Variants in SKAP1 observed in about 807,000 individuals in gnomAD.
SKAP1 encodes src kinase-associated phosphoprotein 1.
Under a neutral mutation model 58.5 loss-of-function variants are expected in SKAP1, and 44 were observed. The observed-to-expected ratio is 0.75, with a 90% CI of 0.59 to 0.97. The LOEUF is 0.97. Among genes scored for constraint, SKAP1 ranks in the 50% least tolerant of loss-of-function variants. The pLI, the probability that SKAP1 is intolerant of heterozygous loss-of-function variation, is 0.00. For synonymous variants in SKAP1, 127 were observed against 149.7 expected (o/e 0.85, Z 1.11); for missense variants, 390 against 435.2 (o/e 0.90, Z 0.92).
intron 4 of SKAP1, among the ~76,000 whole-genome samples, chr17:48,224,068 A>AAGGGGG (rs2065038868): frequency 5.2e-5 from 1 of 19,244 alleles, no homozygotes; most frequent in Non-Finnish European, 9.6e-5. Context: ...GGAGGAGGAG[A>AAGGGGG]AGGAGGAGGA....
At chr17:48,348,759 C>T (rs2144339919) in intron 3 of SKAP1, among the ~76,000 whole-genome samples, 1 of 152,314 alleles carries the variant, frequency 6.6e-6, no homozygotes, top group African/African-American at 2.4e-5. Flanking sequence ...CACTTGCTTT[C>T]CTAACTTCAG....
At chr17:48,377,555 G>A (rs986981117) in intron 2 of SKAP1, 1 of 149,364 alleles carries the variant, frequency 6.7e-6, no homozygotes, top group Middle Eastern at 3.2e-3. Context: ...TCCAGCATGG[G>A]TGACAGAGCA....
At chr17:48,253,573 C>T (rs988087772) in intron 4 of SKAP1, among the ~76,000 whole-genome samples, 2 of 152,096 alleles carry the variant, frequency 1.3e-5, no homozygotes, top group Admixed American at 6.6e-5. Context: ...AAATTAGGTA[C>T]GGATTAGGAT....
chr17:48,350,637 G>A (rs1380531736), intron 3 of SKAP1, among the ~76,000 whole-genome samples: 6 of 152,060 alleles, frequency 3.9e-5, no homozygotes, highest in East Asian at 1.9e-4. Flanking sequence ...CAGAGGTTGC[G>A]GTGAGCCGAG....
chr17:48,427,526 A>G (rs2144627909), intron 1 of SKAP1, among the ~76,000 whole-genome samples: 1 of 152,044 alleles, frequency 6.6e-6, no homozygotes, highest in Non-Finnish European at 1.5e-5. Context: ...CTCAAATTTT[A>G]TATTTAAACA....
chr17:48,266,546 T>C lies in SKAP1; in HGVS notation c.281-77046A>G, dbSNP rs373013151. Reference sequence around the variant, plus strand: ...TTTTTTTTGAGACAGAGTCTCACTCTGTCACCCAGGCTGGAGTGCAGTGGC... The same window carrying C: ...TTTTTTTTGAGACAGAGTCTCACTCCGTCACCCAGGCTGGAGTGCAGTGGC... On this transcript the variant is annotated intron_variant, in intron 4 of 12. Transcript: ENST00000336915. 6.7e-5 allele frequency among the ~76,000 whole-genome samples: 10 copies of C among 150,148 alleles called. No individual in the cohort carries two copies. In the South Asian group the frequency reaches 1.1e-3, roughly 16 times the overall value.
intron 4 of SKAP1, among the ~76,000 whole-genome samples, chr17:48,306,043 A>T (rs1356090496): frequency 1.3e-5 from 2 of 152,200 alleles, no homozygotes; most frequent in Non-Finnish European, 2.9e-5. Flanking sequence ...GTTATACATA[A>T]AGCTTCTAGA....
chr17:48,349,979 T>A (rs1193227278), intron 3 of SKAP1, among the ~76,000 whole-genome samples: 1 of 152,180 alleles, frequency 6.6e-6, no homozygotes, highest in Non-Finnish European at 1.5e-5. Context: ...TGCTGCTCCA[T>A]AAACTTTATG....
intron 8 of SKAP1, 125 bp downstream of exon 8, chr17:48,182,269 G>A (rs1234071740): frequency 1.5e-6 from 1 of 674,288 alleles, no homozygotes; most frequent in Non-Finnish European, 2.6e-6. Flanking sequence ...TGGGGAATGT[G>A]GTAGGAAAGG....
chr17:48,202,378 T>C (rs1011438886), intron 4 of SKAP1, among the ~76,000 whole-genome samples: 1 of 152,060 alleles, frequency 6.6e-6, no homozygotes, highest in Non-Finnish European at 1.5e-5. Flanking sequence ...TTTGACCTGG[T>C]ATGTATTATC....
chr17:48,359,450 T>C (rs1372432418), intron 3 of SKAP1, among the ~76,000 whole-genome samples: 1 of 152,208 alleles, frequency 6.6e-6, no homozygotes, highest in African/African-American at 2.4e-5. Context: ...CTCATAGATG[T>C]CATTTTTTAA....
At chr17:48,216,172 T>C (rs539508468) in intron 4 of SKAP1, among the ~76,000 whole-genome samples, 1 of 152,324 alleles carries the variant, frequency 6.6e-6, no homozygotes, top group African/African-American at 2.4e-5. Flanking sequence ...ATGTTGTTCT[T>C]GGCAGTATGA....
intron 2 of SKAP1, among the ~76,000 whole-genome samples, chr17:48,368,834 T>G (rs2067044916): frequency 6.6e-6 from 1 of 152,204 alleles, no homozygotes; most frequent in South Asian, 2.1e-4. Flanking sequence ...TCTTAAAATT[T>G]TAGTATTAAA....
intron 4 of SKAP1, among the ~76,000 whole-genome samples, chr17:48,324,549 A>T (rs1409493085): frequency 2.0e-5 from 3 of 152,050 alleles, no homozygotes; most frequent in Non-Finnish European, 2.9e-5. Flanking sequence ...GTACTGTCTT[A>T]TAACCTAATT....
At chr17:48,368,876 A>G (rs958756442) in intron 2 of SKAP1, among the ~76,000 whole-genome samples, 1 of 152,246 alleles carries the variant, frequency 6.6e-6, no homozygotes, top group African/African-American at 2.4e-5. Flanking sequence ...TTTTCAAATT[A>G]AAGATGTTTT....
intron 4 of SKAP1, among the ~76,000 whole-genome samples, chr17:48,200,965 T>C (rs1462525990): frequency 6.6e-6 from 1 of 152,198 alleles, no homozygotes; most frequent in Admixed American, 6.5e-5. Flanking sequence ...GGACTTGTGA[T>C]CTAGGAATGC....
chr17:48,190,800 A>G (rs1188858868), intron 4 of SKAP1, among the ~76,000 whole-genome samples: 1 of 152,116 alleles, frequency 6.6e-6, no homozygotes, highest in East Asian at 1.9e-4. Flanking sequence ...CCTGGCCAAC[A>G]TGGTGAAACC....
intron 4 of SKAP1, among the ~76,000 whole-genome samples, chr17:48,252,713 AGTGTGTGTGTGTGTGTGT>A (rs71141977): frequency 1.9e-4 from 28 of 145,132 alleles, no homozygotes; most frequent in Non-Finnish European, 1.1e-4. Context: ...GCTCTAAGCT[AGTGTGTGTGTGTGTGTGT>A]GTGTGTGTGT....
chr17:48,326,211 G>T (rs185854848), intron 4 of SKAP1, among the ~76,000 whole-genome samples: 59 of 152,230 alleles, frequency 3.9e-4, no homozygotes, highest in Admixed American at 3.2e-3. Flanking sequence ...CATACATCCT[G>T]CTCTTTGCCA....
Sources: gnomAD v4.1 joint callset for allele counts (sites outside exome capture counted in the v4.1 genomes callset) on GRCh38, gnomAD v4.1.1 for gene constraint, MANE v1.5 for transcripts, NCBI Gene and HGNC (gene_info 2026-07-23, HGNC 2026-07-21) for gene names.